Variants in MAPT observed in about 807,000 individuals in gnomAD.
The protein encoded by MAPT is microtubule-associated protein tau.
Under a neutral mutation model 67.9 loss-of-function variants are expected in MAPT, and 34 were observed. The observed-to-expected ratio is 0.50, with a 90% CI of 0.38 to 0.67. The LOEUF is 0.67. Among genes scored for constraint, MAPT ranks in the 30% least tolerant of loss-of-function variants. The pLI is 0.00. For missense variants in MAPT, 881 were observed against 1,115.2 expected (o/e 0.79, Z 2.99); for synonymous variants, 456 against 464.5 (o/e 0.98, Z 0.23).
intron 1 of MAPT, among the ~76,000 whole-genome samples, chr17:45,904,561 A>G (rs1402026458): frequency 6.7e-6 from 1 of 149,910 alleles, no homozygotes; most frequent in Non-Finnish European, 1.5e-5. Context: ...GCATGATGGC[A>G]TGTGTCTGTA....
At chr17:46,003,264 G>A (rs1037998493) in intron 9 of MAPT, among the ~76,000 whole-genome samples, 21 of 151,902 alleles carry the variant, frequency 1.4e-4, no homozygotes, top group African/African-American at 4.8e-4. Flanking sequence ...AGAGAACTGA[G>A]TATTCTAAAA....
chr17:45,939,873 A>G (rs2067701658), intron 1 of MAPT, among the ~76,000 whole-genome samples: 1 of 152,188 alleles, frequency 6.6e-6, no homozygotes, highest in Non-Finnish European at 1.5e-5. Context: ...CCCTCTGAGC[A>G]TGTTACAGAT....
At chr17:45,924,858 G>A (rs1870914300) in intron 1 of MAPT, among the ~76,000 whole-genome samples, 1 of 151,652 alleles carries the variant, frequency 6.6e-6, no homozygotes, top group Admixed American at 6.6e-5. Flanking sequence ...GCCATTGCTG[G>A]GGGGTGGCAC....
At chr17:45,999,690 G>T (rs1184546507) in intron 9 of MAPT, 5 of 1,547,950 alleles carry the variant, frequency 3.2e-6, no homozygotes, top group Non-Finnish European at 4.4e-6. Context: ...GGAGCCCCAG[G>T]TTATGACGTC....
intron 6 of MAPT, among the ~76,000 whole-genome samples, chr17:45,989,568 G>A (rs1317949455): frequency 3.3e-5 from 5 of 152,216 alleles, no homozygotes; most frequent in South Asian, 2.1e-4. Flanking sequence ...GGAGAATGGC[G>A]TGAACCCAGG....
At chr17:45,911,209 G>A (rs1048943889) in intron 1 of MAPT, among the ~76,000 whole-genome samples, 1 of 152,178 alleles carries the variant, frequency 6.6e-6, no homozygotes, top group South Asian at 2.1e-4. Flanking sequence ...CTCGCCCATC[G>A]CAGGGAGATG....
chr17:45,955,763 T>C (rs2069579752), intron 1 of MAPT, among the ~76,000 whole-genome samples: 1 of 150,754 alleles, frequency 6.6e-6, no homozygotes, highest in Admixed American at 6.6e-5. Context: ...TTGAAAGGAG[T>C]CTCACTCTAT....
chr17:45,903,275 G>A (rs145127226), intron 1 of MAPT, among the ~76,000 whole-genome samples: 2,688 of 152,250 alleles, frequency 0.018, 28 homozygotes, highest in Non-Finnish European at 0.031. Context: ...TCCTGGATCG[G>A]ATCCAGTTCT....
chr17:45,922,486 A>AACAC (rs59017604), intron 1 of MAPT, among the ~76,000 whole-genome samples: 2,056 of 146,658 alleles, frequency 0.014, 16 homozygotes, highest in Admixed American at 0.017. Context: ...CTAGCTAGAG[A>AACAC]ACACACACAC....
chr17:45,926,243 C>T (rs942636843), intron 1 of MAPT, among the ~76,000 whole-genome samples: 3 of 148,018 alleles, frequency 2.0e-5, no homozygotes, highest in East Asian at 1.9e-4. Flanking sequence ...CCTTTTTAAA[C>T]AGTAGCAGAC....
intron 3 of MAPT, 122 bp from the exon 4 acceptor site, chr17:45,978,253 T>C: frequency 1.2e-6 from 1 of 809,644 alleles, no homozygotes; most frequent in Non-Finnish European, 2.2e-6. Flanking sequence ...ACCTTGGTAT[T>C]CTTGGGATGT....
At chr17:45,956,595 TATATA>T (rs1395230006) in intron 1 of MAPT, among the ~76,000 whole-genome samples, 3 of 31,484 alleles carry the variant, frequency 9.5e-5, no homozygotes, top group African/African-American at 2.9e-4. Flanking sequence ...TATATATATA[TATATA>T]TTTTTTATTA....
rs776213717 is a variant in MAPT, at chr17:45,983,177, G to C, written c.598G>C (p.Glu200Gln). 24 of 1,607,864 alleles carry C rather than the reference G, an allele frequency of 1.5e-5. 1 individual carries two copies. The South Asian group carries it at 2.2e-4, about 15-fold the overall frequency. ...CGCCACCACTGCGTATCTCCACACA[G>C]AGCCTGAAAGTGGTAAGGTGGTCCA... ...KPATTAYLHT[E>Q]PESGKVVQEG... is the part of the protein sequence containing the mutation. Residue 200 changes from glutamate to glutamine, a missense_variant, in exon 5 of 13, where the codon GAG becomes CAG. This residue lies in a region of MAPT where 687 missense variants were observed against 766.1 expected (regional missense o/e 0.90). Coordinates refer to ENST00000262410, the MANE Select transcript of MAPT (RefSeq NM_001377265.1).
At chr17:45,997,083 G>T (rs145759818) in intron 9 of MAPT, among the ~76,000 whole-genome samples, 1 of 152,210 alleles carries the variant, frequency 6.6e-6, no homozygotes, top group African/African-American at 2.4e-5. Flanking sequence ...ATCTCCACTC[G>T]TGGGCCATCT....
intron 1 of MAPT, among the ~76,000 whole-genome samples, chr17:45,943,168 C>T (rs532588590): frequency 2.6e-5 from 4 of 152,240 alleles, no homozygotes; most frequent in Non-Finnish European, 5.9e-5. Context: ...ATTCTTGTGC[C>T]TCAGCCTCCC....
At chr17:45,978,295 G>A (rs769708091) in intron 3 of MAPT, 80 bp from the exon 4 acceptor site, 16 of 1,129,748 alleles carry the variant, frequency 1.4e-5, no homozygotes, top group African/African-American at 3.1e-5. Context: ...GAAAATGCCC[G>A]AAGGTACAGA....
rs63750117 is a variant in MAPT at position 46,010,427 on chromosome 17, C to G, written c.2091+25C>G. The G allele has an allele frequency of 2.7e-6, 4 of 1,485,456 alleles. No homozygotes were observed. In the African/African-American group the frequency reaches 5.5e-5, roughly 21 times the overall value. 92.0% of individuals were successfully genotyped at this position (1,485,456 alleles called of 1,614,324 possible). A position where few individuals can be genotyped will look rare whatever the true frequency, so the allele number is the denominator to read the frequency against. On this transcript the variant is annotated intron_variant, in intron 10 of 12. Transcript: ENST00000262410. This position sits in a 1 kb window ranked among gnomAD's most constrained non-coding sequence, Gnocchi z 4.7. ...TGTGAGTACCTTCACACGTCCCATG[C>G]GCCGTGCTGTGGCTTGAATTATTAG...
intron 4 of MAPT, among the ~76,000 whole-genome samples, chr17:45,980,842 C>T (rs943352105): frequency 6.6e-6 from 1 of 152,194 alleles, no homozygotes; most frequent in Non-Finnish European, 1.5e-5. Flanking sequence ...GGCGCTCAGG[C>T]TCAGGGTTGC....
intron 9 of MAPT, among the ~76,000 whole-genome samples, chr17:46,003,214 A>C (rs2075155103): frequency 6.6e-6 from 1 of 150,698 alleles, no homozygotes; most frequent in African/African-American, 2.4e-5. Flanking sequence ...CTCTCCTTTT[A>C]CCCCTCTTTC....
Sources: gnomAD v4.1 joint callset for allele counts (sites outside exome capture counted in the v4.1 genomes callset) on GRCh38, gnomAD v4.1.1 for gene constraint, gnomAD v4.1.1 regional missense constraint, Gnocchi (gnomAD v3.1) non-coding constraint, MANE v1.5 for transcripts, NCBI Gene and HGNC (gene_info 2026-07-23, HGNC 2026-07-21) for gene names.